The following CCSER1 variants were observed in gnomAD, a reference collection of about 807,000 sequenced individuals.
The protein encoded by CCSER1 is coiled-coil serine rich protein 1.
A neutral mutation model predicts 82.0 loss-of-function variants in CCSER1; 41 were observed. That is an observed-to-expected ratio of 0.50 (90% CI 0.39 to 0.65). The LOEUF (loss-of-function observed/expected upper bound fraction) is 0.65, where lower values mean the gene tolerates loss of function less well. CCSER1 is among the 30% of genes least tolerant of loss of function. The pLI, the probability that CCSER1 is intolerant of heterozygous loss-of-function variation, is 0.00. For synonymous variants in CCSER1, 414 were observed against 383.9 expected, an observed-to-expected ratio of 1.08 and a Z score of -0.92; for missense variants, 1,119 against 1,064.2, an observed-to-expected ratio of 1.05 and a Z score of -0.72.
At chr4:90,156,966 C>T (rs548320698) in intron 1 of CCSER1, among the ~76,000 whole-genome samples, 4 of 152,110 alleles carry the variant, frequency 2.6e-5, no homozygotes, top group Non-Finnish European at 5.9e-5. Flanking sequence ...TTCTTCCTAG[C>T]CTCGATGGTT....
At chr4:91,143,296 G>A (rs764909570) in intron 10 of CCSER1, among the ~76,000 whole-genome samples, 10 of 151,334 alleles carry the variant, frequency 6.6e-5, no homozygotes, top group East Asian at 1.9e-4. Context: ...CATTATTGGC[G>A]TATAGAAATG....
intron 7 of CCSER1, among the ~76,000 whole-genome samples, chr4:90,743,907 C>T (rs967707966): frequency 6.6e-6 from 1 of 152,078 alleles, no homozygotes; most frequent in Non-Finnish European, 1.5e-5. Flanking sequence ...TTTTTGTCCC[C>T]ATTTTTCTTG....
chr4:90,400,092 T>A lies in CCSER1; in HGVS notation c.1566T>A (p.Asp522Glu). 6.2e-7 allele frequency: 1 copy of A among 1,607,246 alleles called. No individual in the cohort carries two copies. The highest frequency in any genetic ancestry group is 8.5e-7 in the Non-Finnish European group (1 of 1,174,666). ...CELDEDDLML[D>E]LEFLEEQSLH... ...TGGATGAAGATGATCTAATGCTTGATCTTGAATTTTTAGAGGAACAGAGTC... is the reference window on the plus strand; with the variant it reads ...TGGATGAAGATGATCTAATGCTTGAACTTGAATTTTTAGAGGAACAGAGTC... Residue 522 changes from aspartate (D) to glutamate (E), a missense_variant, in exon 4 of 11, where the codon GAT becomes GAA. Physicochemically the swap from Asp to Glu is conservative, Grantham distance 45. Transcript: ENST00000509176.
At chr4:90,898,492 T>C (rs1157345783) in intron 8 of CCSER1, among the ~76,000 whole-genome samples, 2 of 151,230 alleles carry the variant, frequency 1.3e-5, no homozygotes, top group East Asian at 3.9e-4. Context: ...TTCACTATGT[T>C]GGCCAGGTTG....
At chr4:90,255,619 T>C (rs1723142221) in intron 1 of CCSER1, among the ~76,000 whole-genome samples, 1 of 151,938 alleles carries the variant, frequency 6.6e-6, no homozygotes, top group Admixed American at 6.6e-5. Context: ...TTTTCAGATA[T>C]CTGTTTTTAA....
chr4:90,758,473 A>T (rs1277635492), intron 7 of CCSER1, among the ~76,000 whole-genome samples: 1 of 152,162 alleles, frequency 6.6e-6, no homozygotes, highest in African/African-American at 2.4e-5. Context: ...TAAATACATG[A>T]TAGGTGATCA....
intron 1 of CCSER1, among the ~76,000 whole-genome samples, chr4:90,279,673 A>G (rs1728538360): frequency 6.6e-6 from 1 of 152,022 alleles, no homozygotes; most frequent in South Asian, 2.1e-4. Context: ...CAGATAAAAG[A>G]AATGGTCTAG....
At chr4:90,988,620 T>G (rs553506736) in intron 9 of CCSER1, among the ~76,000 whole-genome samples, 1 of 151,854 alleles carries the variant, frequency 6.6e-6, no homozygotes, top group South Asian at 2.1e-4. Context: ...TGGGAGGGGT[T>G]CCACTAATAT....
At chr4:91,584,173 T>C (rs1286424604) in intron 10 of CCSER1, among the ~76,000 whole-genome samples, 1 of 151,540 alleles carries the variant, frequency 6.6e-6, no homozygotes, top group Non-Finnish European at 1.5e-5. Context: ...GCTACCATGA[T>C]CTGCTTTCAC....
chr4:91,257,332 GA>G (rs1740768636), intron 10 of CCSER1, among the ~76,000 whole-genome samples: 1 of 151,928 alleles, frequency 6.6e-6, no homozygotes, highest in South Asian at 2.1e-4. Flanking sequence ...TTTTCAAAAA[GA>G]AAGTTCAGAC....
chr4:91,520,784 G>A (rs1760416158), intron 10 of CCSER1, among the ~76,000 whole-genome samples: 1 of 151,926 alleles, frequency 6.6e-6, no homozygotes. Context: ...TGTTTTTGCT[G>A]TCCTGTTATT....
chr4:90,627,986 C>T (rs2148912783), intron 5 of CCSER1, 39 bp from the exon 6 acceptor site: 4 of 1,510,482 alleles, frequency 2.6e-6, no homozygotes, highest in Non-Finnish European at 3.7e-6. Flanking sequence ...TCTAAGCATG[C>T]TGCACTGTAA....
intron 8 of CCSER1, among the ~76,000 whole-genome samples, chr4:90,920,188 A>G (rs1728170990): frequency 6.6e-6 from 1 of 151,866 alleles, no homozygotes; most frequent in South Asian, 2.1e-4. Flanking sequence ...TCTTCTCCAT[A>G]TTGCTTCCTT....
intron 10 of CCSER1, among the ~76,000 whole-genome samples, chr4:91,144,063 CTTTG>C (rs1729306532): frequency 1.3e-5 from 2 of 151,994 alleles, no homozygotes; most frequent in East Asian, 1.9e-4. Flanking sequence ...ACCAGCTCTT[CTTTG>C]TTTATCTGGC....
At chr4:90,485,653 A>T (rs1766917614) in intron 5 of CCSER1, among the ~76,000 whole-genome samples, 1 of 152,052 alleles carries the variant, frequency 6.6e-6, no homozygotes, top group Admixed American at 6.6e-5. Flanking sequence ...CCAGGTATTA[A>T]GCCTAGTACT....
intron 1 of CCSER1, among the ~76,000 whole-genome samples, chr4:90,258,489 C>T (rs374838066): frequency 5.9e-5 from 9 of 151,924 alleles, no homozygotes; most frequent in South Asian, 2.1e-4. Context: ...TCCAGCCTGG[C>T]GAAAGGTGAG....
At chr4:91,059,550 A>G (rs1743782067) in intron 9 of CCSER1, among the ~76,000 whole-genome samples, 1 of 151,484 alleles carries the variant, frequency 6.6e-6, no homozygotes, top group Non-Finnish European at 1.5e-5. Flanking sequence ...TTTAAATCAA[A>G]CCAGTATAAC....
chr4:90,585,567 T>C (rs1161973067), intron 5 of CCSER1, among the ~76,000 whole-genome samples: 2 of 152,168 alleles, frequency 1.3e-5, no homozygotes, highest in African/African-American at 2.4e-5. Context: ...ATATGAAGAG[T>C]TACCTTTACT....
chr4:90,604,177 G>T (rs1215091296), intron 5 of CCSER1, among the ~76,000 whole-genome samples: 5 of 152,100 alleles, frequency 3.3e-5, no homozygotes, highest in Admixed American at 2.6e-4. Flanking sequence ...TTTAACAAAT[G>T]GTAGGGATAA....
Sources: allele counts gnomAD v4.1 joint callset (sites outside exome capture counted in the v4.1 genomes callset), GRCh38; gene constraint gnomAD v4.1.1; transcripts MANE v1.5; gene names NCBI Gene and HGNC (gene_info 2026-07-23, HGNC 2026-07-21).